The following SCAI variants were observed in gnomAD, a reference collection of about 807,000 sequenced individuals.
The protein encoded by SCAI is suppressor of cancer cell invasion.
In SCAI, 24 loss-of-function variants were observed where a neutral mutation model predicts 92.2. The observed-to-expected ratio is 0.26, with a 90% CI of 0.19 to 0.37. SCAI has a LOEUF of 0.37. Among genes scored for constraint, SCAI ranks in the 10% least tolerant of loss-of-function variants. The pLI, the probability that SCAI is intolerant of heterozygous loss-of-function variation, is 1.00. For synonymous variants in SCAI, 261 were observed against 258.6 expected (o/e 1.01, Z -0.09); for missense variants, 450 against 736.2 (o/e 0.61, Z 4.50).
rs183656208 is a variant in SCAI, at chr9:124,968,510, A to T, written c.1674+2860T>A. 158 of 862,640 alleles carry T rather than the reference A, an allele frequency of 1.8e-4. 1 individual carries two copies. The African/African-American group carries it at 2.5e-3, about 14-fold the overall frequency. 53.4% of individuals were successfully genotyped at this position (862,640 alleles called of 1,614,324 possible). A position where few individuals can be genotyped will look rare whatever the true frequency, so the allele number is the denominator to read the frequency against. On this transcript the variant is annotated intron_variant, in intron 17 of 17. Transcript: ENST00000336505. ...GCTTGTTGATCACGTAGGTTGCTAG[A>T]TCTCTACCCAGTTTACCAGTTAAGA...
chr9:124,963,151 C>G (rs905324006), intron 17 of SCAI, among the ~76,000 whole-genome samples: 1 of 147,218 alleles, frequency 6.8e-6, no homozygotes, highest in South Asian at 2.2e-4. Context: ...TTTTTTCCCC[C>G]CCGAGACGGA....
At chr9:125,000,467 T>C (rs1473783901) in intron 12 of SCAI, among the ~76,000 whole-genome samples, 4 of 151,776 alleles carry the variant, frequency 2.6e-5, no homozygotes, top group Admixed American at 6.6e-5. Flanking sequence ...CTGGGCAATA[T>C]AGTGAGACCT....
chr9:125,030,154 C>T (rs540962123), intron 3 of SCAI, among the ~76,000 whole-genome samples: 1 of 152,312 alleles, frequency 6.6e-6, no homozygotes, highest in East Asian at 1.9e-4. Flanking sequence ...TACTGTTCTG[C>T]ACTATTCTAT....
intron 2 of SCAI, among the ~76,000 whole-genome samples, chr9:125,074,418 G>A (rs1405592598): frequency 6.6e-6 from 1 of 150,806 alleles, no homozygotes; most frequent in East Asian, 2.1e-4. Flanking sequence ...CACCATGCCT[G>A]GCTAATTATT....
chr9:125,088,735 C>T (rs1834370859), intron 2 of SCAI, among the ~76,000 whole-genome samples: 1 of 152,118 alleles, frequency 6.6e-6, no homozygotes, highest in Admixed American at 6.5e-5. Flanking sequence ...ACCTTGGCCT[C>T]GCAAAGTTCT....
At chr9:125,032,195 A>ATATATATATAT (rs1177865840) in intron 3 of SCAI, among the ~76,000 whole-genome samples, 15 of 99,448 alleles carry the variant, frequency 1.5e-4, no homozygotes, top group South Asian at 6.6e-4. Context: ...ATATATATAT[A>ATATATATATAT]TTTTTTTTTT....
chr9:124,968,017 GT>G (rs1252175482), intron 17 of SCAI, among the ~76,000 whole-genome samples: 3 of 152,056 alleles, frequency 2.0e-5, no homozygotes, highest in Non-Finnish European at 4.4e-5. Context: ...TTTTTTAAAG[GT>G]TGTTATATTC....
intron 17 of SCAI, among the ~76,000 whole-genome samples, chr9:124,955,434 C>CT (rs1382829940): frequency 6.6e-6 from 1 of 151,772 alleles, no homozygotes; most frequent in East Asian, 1.9e-4. Context: ...GTGTGATGGC[C>CT]TTATTCGTTT....
At chr9:125,103,110 C>T (rs1367336645) in intron 2 of SCAI, among the ~76,000 whole-genome samples, 1 of 152,114 alleles carries the variant, frequency 6.6e-6, no homozygotes, top group Non-Finnish European at 1.5e-5. Flanking sequence ...TCCTCAGAGG[C>T]CTTCCCTACC....
At chr9:125,066,367 T>C (rs919253295) in intron 2 of SCAI, among the ~76,000 whole-genome samples, 2 of 152,210 alleles carry the variant, frequency 1.3e-5, no homozygotes, top group African/African-American at 4.8e-5. Context: ...GCTCACTGAC[T>C]CACCCAAAGC....
chr9:125,087,794 A>G (rs1834352450), intron 2 of SCAI, among the ~76,000 whole-genome samples: 1 of 152,208 alleles, frequency 6.6e-6, no homozygotes, highest in Admixed American at 6.5e-5. Context: ...TATGTGTGTG[A>G]TAATGGCTCA....
rs1418759314 is a variant in SCAI, at chr9:124,952,167, C to T, written c.*640G>A. The T allele has an allele frequency of 1.3e-5, 2 of 152,166 alleles. No individual in the cohort carries two copies. The highest frequency in any genetic ancestry group is 2.4e-5 in the African/African-American group (1 of 41,422). The allele number at this position is 152,166 out of a possible 1,614,324, so 9.4% of individuals were successfully genotyped here. ...AAATATGCAAATAAATCTCATAATACTCATACATTCCAAGTAATATTACCA... is the reference window on the plus strand; with the variant it reads ...AAATATGCAAATAAATCTCATAATATTCATACATTCCAAGTAATATTACCA... On this transcript the variant is annotated 3_prime_UTR_variant, in exon 18 of 18. Transcript: ENST00000336505.
intron 9 of SCAI, among the ~76,000 whole-genome samples, chr9:125,006,480 A>ACATT (rs144230376): frequency 0.029 from 4,402 of 152,290 alleles, 222 homozygotes; most frequent in African/African-American, 0.096. Flanking sequence ...ATAACCTAAT[A>ACATT]CATTCATTCA....
intron 17 of SCAI, among the ~76,000 whole-genome samples, chr9:124,953,785 T>C (rs1831271407): frequency 6.6e-6 from 1 of 152,134 alleles, no homozygotes; most frequent in African/African-American, 2.4e-5. Context: ...CCTGAAGAAG[T>C]TGCTACTTTT....
At chr9:125,070,061 GAACT>G (rs1325074525) in intron 2 of SCAI, among the ~76,000 whole-genome samples, 16 of 151,828 alleles carry the variant, frequency 1.1e-4, no homozygotes, top group Non-Finnish European at 1.3e-4. Context: ...TGCACAAAAT[GAACT>G]AACAGATATG....
chr9:125,050,213 C>G (rs1056996429), intron 3 of SCAI, among the ~76,000 whole-genome samples: 2 of 152,082 alleles, frequency 1.3e-5, no homozygotes, highest in Admixed American at 6.6e-5. Flanking sequence ...CAGACCACTA[C>G]CAATACATTT....
At chr9:124,988,091 T>C (rs1832037065) in intron 14 of SCAI, among the ~76,000 whole-genome samples, 1 of 151,510 alleles carries the variant, frequency 6.6e-6, no homozygotes, top group Non-Finnish European at 1.5e-5. Context: ...ACACACACGC[T>C]TCAGGGAAAA....
Position 124,977,762 on chromosome 9 carries a change from A to G in SCAI, c.1327-1576T>C, listed in dbSNP as rs113653319. 9.8e-3 allele frequency among the ~76,000 whole-genome samples: 1,499 copies of G among 152,342 alleles called. 22 individuals carry two copies. The highest frequency in any genetic ancestry group is 0.034 in the African/African-American group (1,429 of 41,570). On this transcript the variant is annotated intron_variant, in intron 14 of 17. Transcript: ENST00000336505. ...TGGTACAAGAGTAGGCAGGAAACCA[A>G]TGGAACAGAATGAAAAGTCCAGAAT... is the stretch of plus-strand genomic sequence containing the variant.
chr9:125,078,970 T>C (rs910645597), intron 2 of SCAI, among the ~76,000 whole-genome samples: 3 of 152,220 alleles, frequency 2.0e-5, no homozygotes, highest in African/African-American at 7.2e-5. Flanking sequence ...TAGTTTCCTC[T>C]ATTTTCGTAT....
Sources: allele counts gnomAD v4.1 joint callset (sites outside exome capture counted in the v4.1 genomes callset), GRCh38; gene constraint gnomAD v4.1.1; transcripts MANE v1.5; gene names NCBI Gene and HGNC (gene_info 2026-07-23, HGNC 2026-07-21).